RUFY2: variants seen among roughly 807,000 people sequenced by gnomAD.
RUFY2 encodes RUN and FYVE domain containing 2.
A neutral mutation model predicts 94.4 loss-of-function variants in RUFY2; 49 were observed. That is an observed-to-expected ratio of 0.52 (90% CI 0.41 to 0.66). The LOEUF is 0.66. Ranked by LOEUF, RUFY2 falls within the 30% of genes least tolerant of loss-of-function variation. The pLI, the probability that RUFY2 is intolerant of heterozygous loss-of-function variation, is 0.00. For missense variants in RUFY2, 541 were observed against 692.8 expected (o/e 0.78, Z 2.46); for synonymous variants, 255 against 235.7 (o/e 1.08, Z -0.75).
At chr10:68,361,821 T>A (rs1291926984) in intron 15 of RUFY2, among the ~76,000 whole-genome samples, 1 of 152,206 alleles carries the variant, frequency 6.6e-6, no homozygotes, top group Non-Finnish European at 1.5e-5. Context: ...ACTAATTCTA[T>A]CTAAATAAAT....
intron 14 of RUFY2, 112 bp from the exon 15 acceptor site, chr10:68,363,796 A>C (rs2047623216): frequency 4.6e-6 from 4 of 860,252 alleles, no homozygotes; most frequent in Non-Finnish European, 6.9e-6. Context: ...TTTAAAAGAA[A>C]CAAATTGTGT....
intron 12 of RUFY2, chr10:68,377,358 G>A: frequency 9.4e-6 from 10 of 1,058,944 alleles, no homozygotes; most frequent in Non-Finnish European, 1.1e-5. Flanking sequence ...CCTACACTAG[G>A]TGAAGAAGCC....
chr10:68,375,341 G>A (rs1351568619), intron 13 of RUFY2, among the ~76,000 whole-genome samples: 2 of 150,992 alleles, frequency 1.3e-5, no homozygotes, highest in Admixed American at 6.6e-5. Context: ...GGGAAAGGAG[G>A]AGAAAAGATA....
At chr10:68,406,409 T>A (rs1398401695) in intron 1 of RUFY2, among the ~76,000 whole-genome samples, 1 of 152,172 alleles carries the variant, frequency 6.6e-6, no homozygotes, top group African/African-American at 2.4e-5. Flanking sequence ...TCATAATCCG[T>A]GGCAACTCTC....
In RUFY2 at chr10:68,407,250, C is replaced by T. The variant is rs778791534; in HGVS notation, c.-61G>A. On this transcript the variant is annotated 5_prime_UTR_variant, in exon 1 of 18. An upstream open reading frame in the 5' UTR gains an earlier in-frame stop. Transcript: ENST00000602465. ...CCTCGGCCTGTCCAGCAGCTCCTTC[C>T]AGGCGCTCGGCGGCCACCACCGCAT... is the stretch of plus-strand genomic sequence containing the variant. 673 of 1,267,788 alleles carry T rather than the reference C, an allele frequency of 5.3e-4. 3 individuals are homozygous for T. Among genetic ancestry groups the T allele is most frequent in the Admixed American group, 1.4e-3 (32 of 23,536 alleles). 78.5% of individuals were successfully genotyped at this position (1,267,788 alleles called of 1,614,324 possible).
At chr10:68,406,955 A>G (rs1257424357) in intron 1 of RUFY2, 2 of 1,548,970 alleles carry the variant, frequency 1.3e-6, no homozygotes, top group Admixed American at 3.9e-5. Context: ...GCCCTCGGCC[A>G]CTATGCCTCA....
chr10:68,397,089 T>C (rs1321970753), intron 3 of RUFY2, among the ~76,000 whole-genome samples: 3 of 152,226 alleles, frequency 2.0e-5, no homozygotes, highest in Non-Finnish European at 4.4e-5. Flanking sequence ...TACTATTTAA[T>C]GTCTTGGAAG....
chr10:68,373,362 C>G (rs543486060), intron 13 of RUFY2, among the ~76,000 whole-genome samples: 1 of 152,066 alleles, frequency 6.6e-6, no homozygotes, highest in East Asian at 1.9e-4. Flanking sequence ...ACAGGAAAAA[C>G]AAATTAAACA....
chr10:68,355,328 C>T, intron 16 of RUFY2, 25 bp downstream of exon 16: 1 of 1,575,758 alleles, frequency 6.3e-7, no homozygotes, highest in Non-Finnish European at 8.7e-7. Flanking sequence ...CATACCTTCC[C>T]ACTTTAGGAA....
intron 6 of RUFY2, chr10:68,393,736 A>G (rs1481926842): frequency 6.9e-6 from 2 of 289,996 alleles, no homozygotes; most frequent in Non-Finnish European, 6.4e-6. Context: ...CTCAAAAAAA[A>G]AAAAACATAG....
chr10:68,403,534 C>A (rs559973596), intron 2 of RUFY2, among the ~76,000 whole-genome samples: 1 of 152,078 alleles, frequency 6.6e-6, no homozygotes, highest in South Asian at 2.1e-4. Context: ...TTACAGGTGC[C>A]CAATTTCCTT....
At position 68,343,659 on chromosome 10, in the gene RUFY2, T is replaced by TAAGTC. The variant is rs1223962991; in HGVS notation, c.*2104_*2108dup. On this transcript the variant is annotated 3_prime_UTR_variant, in exon 18 of 18. Transcript: ENST00000602465. Reference sequence around the variant, plus strand: ...ACTGCTAGGTGAGGGAATGGTATGTTAAGTCTGTTTTTGAAAAGTAAAATG... The same window carrying TAAGTC: ...ACTGCTAGGTGAGGGAATGGTATGTTAAGTCAAGTCTGTTTTTGAAAAGTAAAATG... The TAAGTC allele has an allele frequency of 1.3e-5, 2 of 152,504 alleles. No individual in the cohort carries two copies. The highest frequency in any genetic ancestry group is 4.8e-5 in the African/African-American group (2 of 41,418). 9.4% of individuals were successfully genotyped at this position (152,504 alleles called of 1,614,324 possible).
chr10:68,345,610 T>C lies in RUFY2; in HGVS notation c.*158A>G, dbSNP rs1158453949. The C allele has an allele frequency of 1.0e-5, 6 of 586,068 alleles. No homozygotes were observed. The highest frequency in any genetic ancestry group is 5.5e-5 in the South Asian group (2 of 36,498). 36.3% of individuals were successfully genotyped at this position (586,068 alleles called of 1,614,324 possible). On this transcript the variant is annotated 3_prime_UTR_variant, in exon 18 of 18. Coordinates refer to ENST00000602465, the MANE Select transcript of RUFY2 (RefSeq NM_001330103.2). ...TTGAAAAACAATGGGGAAGGAAATA[T>C]ATAACTTGTAATTTCCATGAGCTGA... is the stretch of plus-strand genomic sequence containing the variant.
rs918814512 is a variant in RUFY2, at chr10:68,344,495, A to G, written c.*1273T>C. 9 of 152,246 alleles carry G rather than the reference A, an allele frequency of 5.9e-5. No individual in the cohort carries two copies. Among genetic ancestry groups the G allele is most frequent in the Admixed American group, 5.9e-4 (9 of 15,288 alleles). 9.4% of individuals were successfully genotyped at this position (152,246 alleles called of 1,614,324 possible). On this transcript the variant is annotated 3_prime_UTR_variant, in exon 18 of 18. Coordinates refer to ENST00000602465, the MANE Select transcript of RUFY2 (RefSeq NM_001330103.2). ...ACAAGTTAAATTCTTAGTATGCCAT[A>G]AGCAATATAACTTGGATTAGTGTTC...
At chr10:68,341,915 ATTAC>A (rs1343555099), downstream of RUFY2, 4 of 1,587,804 alleles carry the variant, frequency 2.5e-6, no homozygotes, top group African/African-American at 2.7e-5. Flanking sequence ...AAGTGCAGGT[ATTAC>A]TTTTATTATT....
chr10:68,373,691 G>C (rs2048424457), intron 13 of RUFY2, among the ~76,000 whole-genome samples: 1 of 152,148 alleles, frequency 6.6e-6, no homozygotes, highest in Non-Finnish European at 1.5e-5. Context: ...AAGATCTCTT[G>C]AGCCTAGGAA....
intron 7 of RUFY2, among the ~76,000 whole-genome samples, chr10:68,389,704 G>A (rs1234258301): frequency 6.6e-6 from 1 of 152,150 alleles, no homozygotes; most frequent in Non-Finnish European, 1.5e-5. Flanking sequence ...CCAGGCGGGT[G>A]GATTGCTTAA....
chr10:68,396,791 C>T lies in RUFY2; in HGVS notation c.387G>A (p.Arg129=). ...ADYLRCLIIQ[R]DLLSEFYEYH... ...TTAATAGTACTAACCTCAAGAGATC[C>T]CTCTGAATAATTAAGCAACGTAAGT... is the stretch of plus-strand genomic sequence containing the variant. The change falls in exon 4 of 18, where the codon AGG becomes AGA. Residue 129 remains arginine (R), a synonymous_variant. Transcript: ENST00000602465. 2.5e-6 allele frequency: 4 copies of T among 1,609,954 alleles called. No homozygotes were observed. Among genetic ancestry groups the T allele is most frequent in the Non-Finnish European group, 2.5e-6 (3 of 1,176,520 alleles).
At chr10:68,383,017 C>T (rs906369206) in intron 10 of RUFY2, among the ~76,000 whole-genome samples, 11 of 152,128 alleles carry the variant, frequency 7.2e-5, no homozygotes, top group African/African-American at 2.4e-4. Context: ...TATACTGTAA[C>T]TTACAGTTTA....
Sources: gnomAD v4.1 joint callset for allele counts (sites outside exome capture counted in the v4.1 genomes callset) on GRCh38, gnomAD v4.1.1 for gene constraint, MANE v1.5 for transcripts, NCBI Gene and HGNC (gene_info 2026-07-23, HGNC 2026-07-21) for gene names.